The following KCNIP3 variants were observed in gnomAD, a reference collection of about 807,000 sequenced individuals.
The protein encoded by KCNIP3 is calsenilin.
In KCNIP3, 28 loss-of-function variants were observed where a neutral mutation model predicts 35.0. The ratio of observed to expected loss-of-function variants is 0.80; its 90% confidence interval spans 0.59 to 1.10. The LOEUF is 1.10. Ranked by LOEUF, KCNIP3 falls within the 50% of genes least tolerant of loss-of-function variation. The probability of loss-of-function intolerance (pLI) is 0.00; values close to 1 mark genes in which losing one functional copy is unlikely to be tolerated. For missense variants in KCNIP3, 295 were observed against 338.4 expected, an observed-to-expected ratio of 0.87 and a Z score of 1.01; for synonymous variants, 134 against 133.8, an observed-to-expected ratio of 1.00 and a Z score of -0.01.
At chr2:95,301,555 C>A (rs1678030912) in intron 1 of KCNIP3, among the ~76,000 whole-genome samples, 1 of 152,216 alleles carries the variant, frequency 6.6e-6, no homozygotes, top group Non-Finnish European at 1.5e-5. Flanking sequence ...TATCACAGAA[C>A]CCCCAGATAA....
At chr2:95,339,547 G>T (rs908476706) in intron 2 of KCNIP3, among the ~76,000 whole-genome samples, 1 of 151,558 alleles carries the variant, frequency 6.6e-6, no homozygotes, top group East Asian at 1.9e-4. Flanking sequence ...TTGTGCCAAC[G>T]CACTCCTGCG....
At chr2:95,324,570 G>T (rs990968706) in intron 2 of KCNIP3, among the ~76,000 whole-genome samples, 2 of 118,094 alleles carry the variant, frequency 1.7e-5, no homozygotes, top group Non-Finnish European at 3.8e-5. Context: ...AACGTGAGTA[G>T]TTTTTTAAAA....
intron 2 of KCNIP3, among the ~76,000 whole-genome samples, chr2:95,355,965 G>T (rs1487466667): frequency 6.6e-6 from 1 of 152,212 alleles, no homozygotes; most frequent in Non-Finnish European, 1.5e-5. Context: ...CCTACCAACA[G>T]TGTAAAGGCG....
At chr2:95,370,069 T>C (rs940453656) in intron 2 of KCNIP3, among the ~76,000 whole-genome samples, 5 of 152,226 alleles carry the variant, frequency 3.3e-5, no homozygotes, top group Non-Finnish European at 7.3e-5. Flanking sequence ...TGATAATAGT[T>C]GTTTTAAAGT....
intron 1 of KCNIP3, among the ~76,000 whole-genome samples, chr2:95,308,197 C>T (rs1196110142): frequency 6.6e-6 from 1 of 152,232 alleles, no homozygotes; most frequent in Admixed American, 6.5e-5. Context: ...CCCGTCCACC[C>T]CCAGCTCTCC....
chr2:95,326,250 TCA>T (rs1262259793), intron 2 of KCNIP3, among the ~76,000 whole-genome samples: 26 of 60,334 alleles, frequency 4.3e-4, no homozygotes, highest in Non-Finnish European at 6.7e-4. Flanking sequence ...CACACAACAC[TCA>T]CACATACACT....
chr2:95,336,181 C>A (rs556440489), intron 2 of KCNIP3, among the ~76,000 whole-genome samples: 1 of 152,210 alleles, frequency 6.6e-6, no homozygotes, highest in African/African-American at 2.4e-5. Flanking sequence ...AGTTTGTTCT[C>A]ACTTTATCTT....
chr2:95,363,633 T>G lies in KCNIP3; in HGVS notation c.182-10663T>G, dbSNP rs180792487. ...TTTCCAAAAAAAAAATCCAACTGAATTTTTTATTGGAATTGCACTGAATTT... is the reference window on the plus strand; with the variant it reads ...TTTCCAAAAAAAAAATCCAACTGAAGTTTTTATTGGAATTGCACTGAATTT... On this transcript the variant is annotated intron_variant, in intron 2 of 8. Transcript: ENST00000295225. 2.6e-3 allele frequency among the ~76,000 whole-genome samples: 394 copies of G among 152,340 alleles called. 1 individual carries two copies. Among genetic ancestry groups the G allele is most frequent in the African/African-American group, 8.8e-3 (365 of 41,572 alleles).
intron 2 of KCNIP3, among the ~76,000 whole-genome samples, chr2:95,359,602 A>C (rs2104283828): frequency 6.6e-6 from 1 of 152,302 alleles, no homozygotes; most frequent in South Asian, 2.1e-4. Flanking sequence ...GTGGCTCCAC[A>C]AGGCATTGTC....
In KCNIP3 at chr2:95,378,473, G is replaced by T. The variant is rs1573522389; in HGVS notation, c.448-3123G>T. Among the ~76,000 whole-genome samples, 3 of 151,710 alleles carry T rather than the reference G, an allele frequency of 2.0e-5. No individual in the cohort carries two copies. Among genetic ancestry groups the T allele is most frequent in the South Asian group, 4.2e-4 (2 of 4,764 alleles). ...TCATTGGCCGGGCTCGGTGGCTCACGCCTGCAATCCCAGCACTTTGAGAGG... is the reference window on the plus strand; with the variant it reads ...TCATTGGCCGGGCTCGGTGGCTCACTCCTGCAATCCCAGCACTTTGAGAGG... On this transcript the variant is annotated intron_variant, in intron 5 of 8. Transcript: ENST00000295225. The surrounding 1 kb of genome is among the most constrained non-coding windows in gnomAD (Gnocchi z 4.0).
intron 2 of KCNIP3, 136 bp downstream of exon 2, chr2:95,310,656 T>A: frequency 2.2e-6 from 2 of 910,446 alleles, no homozygotes; most frequent in South Asian, 3.0e-5. Context: ...TGGAGGTGTG[T>A]TTTCATTCAT....
intron 1 of KCNIP3, among the ~76,000 whole-genome samples, chr2:95,307,655 C>T (rs184933178): frequency 4.6e-5 from 7 of 152,360 alleles, no homozygotes; most frequent in Admixed American, 1.3e-4. Flanking sequence ...ATCTCCCGCA[C>T]GACCTGGGCC....
intron 2 of KCNIP3, among the ~76,000 whole-genome samples, chr2:95,373,971 C>G (rs1175802974): frequency 1.3e-5 from 2 of 152,352 alleles, no homozygotes; most frequent in Non-Finnish European, 1.5e-5. Context: ...TGTCTTTCCC[C>G]CTCCTATATC....
intron 1 of KCNIP3, among the ~76,000 whole-genome samples, chr2:95,309,115 G>C (rs1212189642): frequency 1.3e-5 from 2 of 152,154 alleles, no homozygotes; most frequent in African/African-American, 4.8e-5. Context: ...CCATTGGTGG[G>C]CTGTGGTCCA....
At chr2:95,320,133 G>A (rs1678556510) in intron 2 of KCNIP3, among the ~76,000 whole-genome samples, 2 of 152,120 alleles carry the variant, frequency 1.3e-5, no homozygotes. Context: ...GTGTGGACCC[G>A]GAGGCGCGGC....
chr2:95,324,523 G>GATAA (rs140027632), intron 2 of KCNIP3, among the ~76,000 whole-genome samples: 4,711 of 145,714 alleles, frequency 0.032, 102 homozygotes, highest in Middle Eastern at 0.04. Flanking sequence ...AAAATAAATA[G>GATAA]ATAAATAAAT....
intron 2 of KCNIP3, among the ~76,000 whole-genome samples, chr2:95,328,280 G>A (rs1156524298): frequency 6.6e-6 from 1 of 152,104 alleles, no homozygotes; most frequent in African/African-American, 2.4e-5. Context: ...GCACCAATGA[G>A]GAAACTGAGG....
chr2:95,336,060 C>T (rs893548149), intron 2 of KCNIP3, among the ~76,000 whole-genome samples: 70 of 152,328 alleles, frequency 4.6e-4, no homozygotes, highest in African/African-American at 1.6e-3. Flanking sequence ...TTTAGTTGAA[C>T]ACTGTAGCTC....
intron 2 of KCNIP3, among the ~76,000 whole-genome samples, chr2:95,367,906 C>T (rs1303485645): frequency 5.9e-5 from 9 of 152,082 alleles, no homozygotes; most frequent in African/African-American, 1.7e-4. Context: ...GGATTACAGG[C>T]GCCTGCCATC....
Sources: allele counts gnomAD v4.1 joint callset (sites outside exome capture counted in the v4.1 genomes callset), GRCh38; gene constraint gnomAD v4.1.1; non-coding constraint Gnocchi (gnomAD v3.1); transcripts MANE v1.5; gene names NCBI Gene and HGNC (gene_info 2026-07-23, HGNC 2026-07-21).